The following CALHM4 variants were observed in gnomAD, a reference collection of about 807,000 sequenced individuals.
CALHM4 encodes calcium homeostasis modulator protein 4.
In CALHM4, 16 loss-of-function variants were observed where a neutral mutation model predicts 13.3. That is an observed-to-expected ratio of 1.20 (90% confidence interval 0.81 to 1.82). The LOEUF is 1.82. Among genes scored for constraint, CALHM4 ranks in the 40% most tolerant of loss-of-function variants. The probability of loss-of-function intolerance (pLI) is 0.00; values close to 1 mark genes in which losing one functional copy is unlikely to be tolerated. For synonymous variants in CALHM4, 127 were observed against 137.1 expected, an observed-to-expected ratio of 0.93 and a Z score of 0.52; for missense variants, 344 against 374.9, an observed-to-expected ratio of 0.92 and a Z score of 0.68.
Position 116,540,582 on chromosome 6 carries a change from T to C in CALHM4, c.-108-3183T>C, listed in dbSNP as rs532368760. The C allele has an allele frequency of 1.2e-5, 12 of 978,070 alleles. No individual in the cohort carries two copies. The African/African-American group carries it at 1.6e-4, about 13-fold the overall frequency. The allele number at this position is 978,070 out of a possible 1,614,324, so 60.6% of individuals were successfully genotyped here. The stretch of plus-strand genomic sequence containing the variant: ...CAAGTGAATCACAAATCAAACCAAA[T>C]ATGACGAGTCAAATGGCTTTTGGCT... On this transcript the variant is annotated intron_variant, in intron 1 of 2. Coordinates refer to the CALHM4 transcript ENST00000368597.
intron 1 of CALHM4, among the ~76,000 whole-genome samples, chr6:116,534,172 A>G (rs1403502212): frequency 6.6e-6 from 1 of 151,990 alleles, no homozygotes; most frequent in Non-Finnish European, 1.5e-5. Flanking sequence ...TTTATATTCA[A>G]CCTTTCATTT....
chr6:116,557,266 C>T (rs1295829074), intron 1 of CALHM4, among the ~76,000 whole-genome samples: 2 of 152,114 alleles, frequency 1.3e-5, no homozygotes, highest in African/African-American at 4.8e-5. Flanking sequence ...CATTTAGAAA[C>T]ATGAGTCTCT....
chr6:116,544,525 G>A (rs1022437800), intron 2 of CALHM4, among the ~76,000 whole-genome samples: 5 of 151,980 alleles, frequency 3.3e-5, no homozygotes, highest in South Asian at 2.1e-4. Flanking sequence ...TATCTTTATC[G>A]TTTTTAAAAC....
intron 1 of CALHM4, among the ~76,000 whole-genome samples, chr6:116,555,688 T>C (rs1295130869): frequency 2.0e-5 from 3 of 152,200 alleles, no homozygotes; most frequent in Non-Finnish European, 4.4e-5. Context: ...GATCATGCTA[T>C]TTCCATTTCA....
chr6:116,559,151 G>A lies in CALHM4; in HGVS notation c.*940G>A, dbSNP rs1027629429. Among the ~76,000 whole-genome samples the A allele has an allele frequency of 2.6e-5, 4 of 152,138 alleles. No individual in the cohort carries two copies. The highest frequency in any genetic ancestry group is 5.9e-5 in the Non-Finnish European group (4 of 68,022). ...GCTCTGCCTGGCTTTACTAAATGCA[G>A]CCTACAGTATCTGGACAATTTTCTA... On this transcript the variant is annotated 3_prime_UTR_variant, in exon 2 of 2. Coordinates refer to ENST00000368596, the MANE Select transcript of CALHM4 (RefSeq NM_001366078.2).
chr6:116,558,017 C>A lies in CALHM4; in HGVS notation c.751C>A (p.Leu251Ile), dbSNP rs142433249. The change falls in exon 2 of 2, where the codon CTA (leucine) becomes ATA (isoleucine). Residue 251 changes from leucine (L) to isoleucine (I), a missense_variant. Coordinates refer to ENST00000368596, the MANE Select transcript of CALHM4 (RefSeq NM_001366078.2). ...RLLMMHRIKK[L>I]FGFIPGSEDV... ...CCTCATGATGCATCGCATAAAGAAG[C>A]TATTTGGCTTCATTCCCGGGAGTGA... 8.7e-6 allele frequency: 14 copies of A among 1,614,156 alleles called. No individual in the cohort carries two copies. In the African/African-American group the frequency reaches 1.9e-4, roughly 22 times the overall value.
At chr6:116,545,826 C>G (rs1773750239) in intron 2 of CALHM4, among the ~76,000 whole-genome samples, 1 of 152,150 alleles carries the variant, frequency 6.6e-6, no homozygotes, top group Non-Finnish European at 1.5e-5. Context: ...CACTGCAACT[C>G]AAAAAATTCT....
At chr6:116,535,243 T>C (rs1773004946) in intron 1 of CALHM4, among the ~76,000 whole-genome samples, 1 of 152,214 alleles carries the variant, frequency 6.6e-6, no homozygotes, top group Non-Finnish European at 1.5e-5. Context: ...CTGACAAATA[T>C]GGAAACCAAA....
chr6:116,530,727 C>T lies in CALHM4; in HGVS notation c.-109+1537C>T, dbSNP rs543037009. ...TGTTTGCTTTCTTTATTATTATCTG[C>T]AAATGTATAACAAAGACAGTTTTGT... On this transcript the variant is annotated intron_variant, in intron 1 of 2. Coordinates refer to the CALHM4 transcript ENST00000368597. Among the ~76,000 whole-genome samples, 9 of 151,794 alleles carry T rather than the reference C, an allele frequency of 5.9e-5. No homozygotes were observed. In the East Asian group the frequency reaches 1.7e-3, roughly 29 times the overall value.
rs768972678 is a variant in CALHM4, at chr6:116,558,001, G to A, written c.735G>A (p.Met245Ile). ...AGCAGCACTCTCGGCTCCTCATGAT[G>A]CATCGCATAAAGAAGCTATTTGGCT... ...AAEQHSRLLM[M>I]HRIKKLFGFI... is the part of the protein sequence containing the mutation. The change falls in exon 2 of 2, where the codon ATG (methionine) becomes ATA (isoleucine). Residue 245 changes from methionine to isoleucine, a missense_variant. Coordinates refer to ENST00000368596, the MANE Select transcript of CALHM4 (RefSeq NM_001366078.2). 1 of 1,614,120 alleles carries A rather than the reference G, an allele frequency of 6.2e-7. No individual in the cohort carries two copies. The highest frequency in any genetic ancestry group is 1.7e-5 in the Admixed American group (1 of 60,022).
chr6:116,550,021 TATATACAC>T (rs1288200190), upstream of CALHM4, among the ~76,000 whole-genome samples: 12 of 93,556 alleles, frequency 1.3e-4, no homozygotes, highest in African/African-American at 4.2e-4. Context: ...TATATATATA[TATATACAC>T]ACACACACAC....
intron 1 of CALHM4, chr6:116,540,285 T>C: frequency 7.3e-7 from 1 of 1,362,738 alleles, no homozygotes; most frequent in South Asian, 1.3e-5. Context: ...ACCTGTCCAA[T>C]CTGAACAGAA....
At position 116,558,311 on chromosome 6, in the gene CALHM4, C is replaced by T; in HGVS notation, c.*100C>T. On this transcript the variant is annotated 3_prime_UTR_variant, in exon 2 of 2. Coordinates refer to ENST00000368596, the MANE Select transcript of CALHM4 (RefSeq NM_001366078.2). ...ATGTAATCTCTTCATCTTTTTCTTTCTCTCTGATATTTGTTTACGTAAGTC... is the reference window on the plus strand; with the variant it reads ...ATGTAATCTCTTCATCTTTTTCTTTTTCTCTGATATTTGTTTACGTAAGTC... 8.0e-7 allele frequency: 1 copy of T among 1,253,768 alleles called. No individual in the cohort carries two copies. Among genetic ancestry groups the T allele is most frequent in the Non-Finnish European group, 1.1e-6 (1 of 921,442 alleles). The allele number at this position is 1,253,768 out of a possible 1,614,324, so 77.7% of individuals were successfully genotyped here.
intron 1 of CALHM4, among the ~76,000 whole-genome samples, chr6:116,533,922 A>G (rs1226774757): frequency 6.6e-6 from 1 of 152,166 alleles, no homozygotes; most frequent in Non-Finnish European, 1.5e-5. Context: ...TCCTGATTGC[A>G]AGGTTTAGCC....
intron 1 of CALHM4, among the ~76,000 whole-genome samples, chr6:116,555,880 T>C (rs937249365): frequency 9.9e-5 from 15 of 152,222 alleles, no homozygotes; most frequent in Admixed American, 2.0e-4. Context: ...TCTAGATATA[T>C]GCCAAAAATA....
chr6:116,547,942 T>C (rs1773882084), intron 2 of CALHM4, among the ~76,000 whole-genome samples: 1 of 152,194 alleles, frequency 6.6e-6, no homozygotes, highest in African/African-American at 2.4e-5. Context: ...CCTTTGGGAA[T>C]ACATGGGCAG....
upstream of CALHM4, among the ~76,000 whole-genome samples, chr6:116,550,017 T>C (rs1172742300): frequency 3.8e-3 from 264 of 69,384 alleles, 2 homozygotes; most frequent in Middle Eastern, 0.012. Context: ...TATATATATA[T>C]ATATATATAC....
upstream of CALHM4, among the ~76,000 whole-genome samples, chr6:116,552,940 G>A (rs1774142535): frequency 6.6e-6 from 1 of 152,160 alleles, no homozygotes; most frequent in South Asian, 2.1e-4. Context: ...CAGGCGTGGT[G>A]GCGGGCGCCT....
At chr6:116,544,533 A>G (rs78876379) in intron 2 of CALHM4, among the ~76,000 whole-genome samples, 6,110 of 152,238 alleles carry the variant, frequency 0.04, 324 homozygotes, top group African/African-American at 0.13. Context: ...TCGTTTTTAA[A>G]ACAATAAAAA....
Sources: allele counts gnomAD v4.1 joint callset (sites outside exome capture counted in the v4.1 genomes callset), GRCh38; gene constraint gnomAD v4.1.1; transcripts MANE v1.5; gene names NCBI Gene and HGNC (gene_info 2026-07-23, HGNC 2026-07-21).